The following CNTN4 variants were observed in gnomAD, a reference collection of about 807,000 sequenced individuals.
The protein encoded by CNTN4 is contactin-4.
In CNTN4, 77 loss-of-function variants were observed where a neutral mutation model predicts 122.5. That is an observed-to-expected ratio of 0.63 (90% CI 0.52 to 0.76). The LOEUF is 0.76. CNTN4 is among the 30% of genes least tolerant of loss of function. CNTN4 has a pLI of 0.00. For synonymous variants in CNTN4, 512 were observed against 447.0 expected, an observed-to-expected ratio of 1.15 and a Z score of -1.83; for missense variants, 1,256 against 1,259.1, an observed-to-expected ratio of 1.00 and a Z score of 0.04.
chr3:2,584,290 A>C (rs2080078527), intron 4 of CNTN4, among the ~76,000 whole-genome samples: 1 of 152,176 alleles, frequency 6.6e-6, no homozygotes, highest in African/African-American at 2.4e-5. Flanking sequence ...GTAGGAGGGA[A>C]AGAGAGAATG....
intron 4 of CNTN4, among the ~76,000 whole-genome samples, chr3:2,689,330 A>G (rs566829111): frequency 1.3e-5 from 2 of 152,268 alleles, no homozygotes; most frequent in Non-Finnish European, 2.9e-5. Flanking sequence ...GCCACTAGAA[A>G]AAGAATCCTC....
chr3:2,703,337 A>G (rs892703564), intron 4 of CNTN4, among the ~76,000 whole-genome samples: 2 of 152,330 alleles, frequency 1.3e-5, no homozygotes, highest in East Asian at 3.9e-4. Flanking sequence ...CACTGAATAT[A>G]ATAGCTTACA....
At chr3:2,155,242 A>C (rs1304883814) in intron 2 of CNTN4, among the ~76,000 whole-genome samples, 1 of 152,188 alleles carries the variant, frequency 6.6e-6, no homozygotes, top group East Asian at 1.9e-4. Flanking sequence ...TGCATTAATT[A>C]ATTCCTGTGC....
intron 3 of CNTN4, among the ~76,000 whole-genome samples, chr3:2,354,101 G>T (rs562568714): frequency 2.0e-5 from 3 of 152,172 alleles, no homozygotes; most frequent in Non-Finnish European, 4.4e-5. Flanking sequence ...TTAAAAACAC[G>T]TAAGTTCAGA....
At chr3:2,219,204 T>C (rs778701790) in intron 2 of CNTN4, among the ~76,000 whole-genome samples, 6 of 152,200 alleles carry the variant, frequency 3.9e-5, no homozygotes, top group Non-Finnish European at 7.3e-5. Flanking sequence ...TAGTGATTTA[T>C]ATTTTAACCA....
chr3:2,595,415 C>T (rs906705687), intron 4 of CNTN4, among the ~76,000 whole-genome samples: 4 of 152,134 alleles, frequency 2.6e-5, no homozygotes, highest in African/African-American at 9.7e-5. Context: ...TTACATATGT[C>T]AAGATTTAAC....
chr3:2,305,873 T>G (rs754432373), intron 2 of CNTN4, among the ~76,000 whole-genome samples: 6 of 152,176 alleles, frequency 3.9e-5, no homozygotes, highest in Non-Finnish European at 7.4e-5. Context: ...GTAACACAAA[T>G]AGAGTAACAT....
At chr3:2,901,408 G>C (rs1452321578) in intron 11 of CNTN4, among the ~76,000 whole-genome samples, 3 of 152,156 alleles carry the variant, frequency 2.0e-5, no homozygotes, top group African/African-American at 4.8e-5. Flanking sequence ...AAGAGTGCCT[G>C]CTCGGAGCAA....
chr3:2,253,439 A>G (rs2040451233), intron 2 of CNTN4, among the ~76,000 whole-genome samples: 1 of 152,188 alleles, frequency 6.6e-6, no homozygotes, highest in Non-Finnish European at 1.5e-5. Flanking sequence ...AAACAAAAGA[A>G]CAAATATTCT....
At chr3:2,878,813 C>G (rs1262892678) in intron 8 of CNTN4, among the ~76,000 whole-genome samples, 1 of 152,116 alleles carries the variant, frequency 6.6e-6, no homozygotes, top group Non-Finnish European at 1.5e-5. Context: ...GGAAGGCAGA[C>G]ACTAAACACA....
intron 6 of CNTN4, among the ~76,000 whole-genome samples, chr3:2,786,436 G>C (rs1225109868): frequency 6.6e-6 from 1 of 152,288 alleles, no homozygotes; most frequent in African/African-American, 2.4e-5. Context: ...CCCAGCCTCT[G>C]CACCTGCTTA....
intron 4 of CNTN4, among the ~76,000 whole-genome samples, chr3:2,625,257 G>C (rs1298072492): frequency 6.6e-6 from 1 of 152,126 alleles, no homozygotes; most frequent in Non-Finnish European, 1.5e-5. Context: ...CACAAGAGCA[G>C]ACTTCTGGGA....
At chr3:2,358,883 T>C (rs1461777339) in intron 3 of CNTN4, among the ~76,000 whole-genome samples, 2 of 152,192 alleles carry the variant, frequency 1.3e-5, no homozygotes, top group African/African-American at 4.8e-5. Flanking sequence ...TGAAGAAATA[T>C]GGCTAGTCCG....
chr3:2,544,996 A>C (rs1654202597), intron 3 of CNTN4, among the ~76,000 whole-genome samples: 1 of 151,714 alleles, frequency 6.6e-6, no homozygotes, highest in African/African-American at 2.4e-5. Context: ...TGAATTTTTG[A>C]TGTGGGTGTT....
In CNTN4 at chr3:2,226,406, A is replaced by T. The variant is rs937814664; in HGVS notation, c.-144-112772A>T. ...GGGGATTTTTGGAAGAGGAAAAAGC[A>T]CTGGATTGAGCATAACCACTTTACA... is the stretch of plus-strand genomic sequence containing the variant. On this transcript the variant is annotated intron_variant, in intron 2 of 24. Transcript: ENST00000418658. 6.6e-5 allele frequency among the ~76,000 whole-genome samples: 10 copies of T among 152,304 alleles called. 1 individual carries two copies. Among genetic ancestry groups the T allele is most frequent in the African/African-American group, 2.4e-4 (10 of 41,546 alleles).
intron 10 of CNTN4, among the ~76,000 whole-genome samples, chr3:2,895,696 T>C (rs56321185): frequency 0.19 from 29,474 of 152,182 alleles, 3,144 homozygotes; most frequent in South Asian, 0.3. Context: ...ATGAATCCTG[T>C]TGGTTTAAGA....
intron 13 of CNTN4, among the ~76,000 whole-genome samples, chr3:2,950,416 A>G (rs1193092673): frequency 6.6e-6 from 1 of 151,752 alleles, no homozygotes; most frequent in African/African-American, 2.4e-5. Context: ...GGAAGCCCCA[A>G]ACACATCGGT....
At chr3:2,711,668 A>C (rs1407371462) in intron 4 of CNTN4, among the ~76,000 whole-genome samples, 1 of 152,162 alleles carries the variant, frequency 6.6e-6, no homozygotes, top group Non-Finnish European at 1.5e-5. Context: ...AAGGAGAATT[A>C]CTCATTTAGT....
At chr3:2,145,578 GA>G (rs2035205914) in intron 2 of CNTN4, among the ~76,000 whole-genome samples, 1 of 152,132 alleles carries the variant, frequency 6.6e-6, no homozygotes, top group Non-Finnish European at 1.5e-5. Context: ...GAAAAATCAG[GA>G]ATAAGATGAA....
Sources: gnomAD v4.1 joint callset for allele counts (sites outside exome capture counted in the v4.1 genomes callset) on GRCh38, gnomAD v4.1.1 for gene constraint, MANE v1.5 for transcripts, NCBI Gene and HGNC (gene_info 2026-07-23, HGNC 2026-07-21) for gene names.